KLHL1: variants seen among roughly 807,000 people sequenced by gnomAD.
The protein encoded by KLHL1 is kelch-like protein 1.
A neutral mutation model predicts 77.7 loss-of-function variants in KLHL1; 47 were observed. The observed-to-expected ratio is 0.60, with a 90% CI of 0.48 to 0.77. KLHL1 has a LOEUF of 0.77. Among genes scored for constraint, KLHL1 ranks in the 30% least tolerant of loss-of-function variants. The pLI, the probability that KLHL1 is intolerant of heterozygous loss-of-function variation, is 0.00. For missense variants in KLHL1, 925 were observed against 910.8 expected (o/e 1.02, Z -0.20); for synonymous variants, 360 against 325.2 (o/e 1.11, Z -1.15).
intron 5 of KLHL1, among the ~76,000 whole-genome samples, chr13:69,878,174 A>C (rs1393918416): frequency 6.6e-6 from 1 of 152,190 alleles, no homozygotes; most frequent in Admixed American, 6.5e-5. Context: ...ACTAAATACA[A>C]TCATAGCTAC....
intron 8 of KLHL1, among the ~76,000 whole-genome samples, chr13:69,732,979 C>A (rs1413197891): frequency 6.6e-6 from 1 of 151,972 alleles, no homozygotes; most frequent in South Asian, 2.1e-4. Context: ...TTCTCCACCC[C>A]CAGGAGAGGT....
chr13:70,101,156 T>C lies in KLHL1; in HGVS notation c.497+6047A>G, dbSNP rs112667202. Among the ~76,000 whole-genome samples the C allele has an allele frequency of 2.7e-4, 41 of 152,272 alleles. 1 individual carries two copies. The highest frequency in any genetic ancestry group is 9.4e-4 in the African/African-American group (39 of 41,578). ...TAGCCAGATACCAATTTTGATTACA[T>C]ATGTAGGCTTTCTTTATTTTTCTAA... On this transcript the variant is annotated intron_variant, in intron 1 of 10. Coordinates refer to ENST00000377844, the MANE Select transcript of KLHL1 (RefSeq NM_020866.3).
At chr13:69,713,586 G>A (rs773897517) in intron 9 of KLHL1, among the ~76,000 whole-genome samples, 18 of 151,954 alleles carry the variant, frequency 1.2e-4, no homozygotes, top group Non-Finnish European at 2.4e-4. Context: ...AACCAAATGC[G>A]CCTTTATGTG....
intron 6 of KLHL1, among the ~76,000 whole-genome samples, chr13:69,814,770 TG>T (rs1878047457): frequency 6.6e-6 from 1 of 152,010 alleles, no homozygotes; most frequent in Non-Finnish European, 1.5e-5. Flanking sequence ...CCCAGCAATT[TG>T]GGAGGCTAAG....
intron 1 of KLHL1, among the ~76,000 whole-genome samples, chr13:70,047,593 C>A (rs1003910855): frequency 1.3e-5 from 2 of 152,110 alleles, no homozygotes; most frequent in African/African-American, 2.4e-5. Context: ...AAGATAAATT[C>A]TTCTAACCTT....
chr13:69,874,238 T>G (rs531998461), intron 5 of KLHL1, among the ~76,000 whole-genome samples: 1 of 152,236 alleles, frequency 6.6e-6, no homozygotes, highest in East Asian at 1.9e-4. Context: ...TTAAATGCCA[T>G]TGCTTCTAGT....
At chr13:69,827,987 G>C (rs1301109799) in intron 6 of KLHL1, among the ~76,000 whole-genome samples, 1 of 150,220 alleles carries the variant, frequency 6.7e-6, no homozygotes, top group East Asian at 1.9e-4. Flanking sequence ...TTGGAAGAAG[G>C]TATTTGTAAT....
At chr13:69,825,172 A>G (rs1463345828) in intron 6 of KLHL1, among the ~76,000 whole-genome samples, 5 of 152,164 alleles carry the variant, frequency 3.3e-5, no homozygotes, top group Admixed American at 6.6e-5. Context: ...TAAAATAAAC[A>G]TGACTAAAAA....
intron 6 of KLHL1, among the ~76,000 whole-genome samples, chr13:69,836,905 A>G (rs924355599): frequency 2.0e-5 from 3 of 152,032 alleles, no homozygotes. Context: ...AGTATTCATT[A>G]TTATATATGT....
chr13:69,918,150 C>A (rs1308343783), intron 4 of KLHL1, among the ~76,000 whole-genome samples: 1 of 151,896 alleles, frequency 6.6e-6, no homozygotes, highest in Non-Finnish European at 1.5e-5. Context: ...AGCAGAATTT[C>A]TTTGTGGTTT....
At chr13:69,719,672 G>A in intron 8 of KLHL1, 91 bp from the exon 9 acceptor site, 2 of 932,880 alleles carry the variant, frequency 2.1e-6, no homozygotes, top group South Asian at 1.6e-5. Flanking sequence ...TTCACAGTAT[G>A]AGGCTCAAAC....
intron 7 of KLHL1, among the ~76,000 whole-genome samples, chr13:69,768,376 G>A (rs2137977490): frequency 1.3e-5 from 2 of 152,148 alleles, no homozygotes; most frequent in Non-Finnish European, 2.9e-5. Flanking sequence ...TGGACCTAGT[G>A]GACATTCAAT....
At chr13:69,909,487 A>C (rs1326848647) in intron 4 of KLHL1, among the ~76,000 whole-genome samples, 3 of 152,090 alleles carry the variant, frequency 2.0e-5, no homozygotes, top group Non-Finnish European at 2.9e-5. Flanking sequence ...ATTATTGAGC[A>C]ATCCAAAGCA....
chr13:70,097,890 T>C (rs888856833), intron 1 of KLHL1, among the ~76,000 whole-genome samples: 5 of 96,994 alleles, frequency 5.2e-5, no homozygotes, highest in Non-Finnish European at 1.3e-4. Context: ...CCTTTCTGTT[T>C]TTTTTTTTTC....
Position 69,707,673 on chromosome 13 carries a change from G to A in KLHL1, c.2139C>T (p.Tyr713=), listed in dbSNP as rs775204671. The A allele has an allele frequency of 3.1e-6, 5 of 1,612,576 alleles. No individual in the cohort carries two copies. The highest frequency in any genetic ancestry group is 4.2e-6 in the Non-Finnish European group (5 of 1,179,086). Residue 713 remains tyrosine (Y), a synonymous_variant, in exon 10 of 11, where the codon TAC becomes TAT. Transcript: ENST00000377844. ...GGTCATAGGATTCCATAGTGTTGAG[G>A]TATGTCTGTCCATCATAGCCACCAA... ...YAVGGYDGQT[Y]LNTMESYDPQ...
chr13:70,051,944 C>A (rs1295428518), intron 1 of KLHL1, among the ~76,000 whole-genome samples: 1 of 146,896 alleles, frequency 6.8e-6, no homozygotes, highest in Non-Finnish European at 1.5e-5. Flanking sequence ...TTATAGAAAG[C>A]TTTTTTTTTT....
chr13:69,782,280 G>T (rs1361349399), intron 7 of KLHL1, among the ~76,000 whole-genome samples: 1 of 152,240 alleles, frequency 6.6e-6, no homozygotes, highest in Non-Finnish European at 1.5e-5. Context: ...TGAGGTACCG[G>T]GTTCATCTCA....
intron 1 of KLHL1, among the ~76,000 whole-genome samples, chr13:70,073,952 A>G (rs1246626841): frequency 6.6e-6 from 1 of 151,710 alleles, no homozygotes; most frequent in Non-Finnish European, 1.5e-5. Flanking sequence ...CAGCCTCCAG[A>G]GTAACTGGGA....
At position 70,108,105 on chromosome 13, in the gene KLHL1, C is replaced by G; in HGVS notation, c.-406G>C. On this transcript the variant is annotated 5_prime_UTR_variant, in exon 1 of 11. Transcript: ENST00000377844. Reference sequence around the variant, plus strand: ...CGGAGGCGGCTGCAGCTGGATACACCTCACTGGGATGCGCTTGTGGCAGAG... The same window carrying G: ...CGGAGGCGGCTGCAGCTGGATACACGTCACTGGGATGCGCTTGTGGCAGAG... The G allele has an allele frequency of 2.4e-6, 1 of 410,742 alleles. No individual in the cohort carries two copies. Among genetic ancestry groups the G allele is most frequent in the Non-Finnish European group, 4.3e-6 (1 of 232,944 alleles). The allele number at this position is 410,742 out of a possible 1,614,324, so 25.4% of individuals were successfully genotyped here.
Sources: allele counts gnomAD v4.1 joint callset (sites outside exome capture counted in the v4.1 genomes callset), GRCh38; gene constraint gnomAD v4.1.1; transcripts MANE v1.5; gene names NCBI Gene and HGNC (gene_info 2026-07-23, HGNC 2026-07-21).